TRAPPC9: variants seen among roughly 807,000 people sequenced by gnomAD.
The protein encoded by TRAPPC9 is IKK2 binding protein.
Under a neutral mutation model 124.0 loss-of-function variants are expected in TRAPPC9, and 83 were observed. The ratio of observed to expected loss-of-function variants is 0.67; its 90% CI spans 0.56 to 0.80. The LOEUF (loss-of-function observed/expected upper bound fraction) is 0.80, where lower values mean the gene tolerates loss of function less well. TRAPPC9 is among the 30% of genes least tolerant of loss of function. TRAPPC9 has a pLI of 0.00. For synonymous variants in TRAPPC9, 638 were observed against 617.5 expected (o/e 1.03, Z -0.49); for missense variants, 1,302 against 1,508.3 (o/e 0.86, Z 2.27).
intron 21 of TRAPPC9, among the ~76,000 whole-genome samples, chr8:139,866,859 T>G (rs1828576624): frequency 1.3e-5 from 2 of 152,178 alleles, no homozygotes; most frequent in Non-Finnish European, 2.9e-5. Flanking sequence ...CATCCCAATA[T>G]GAATGACACC....
chr8:140,300,746 C>A (rs1038443800), intron 10 of TRAPPC9, 132 bp from the exon 11 acceptor site: 5 of 1,067,890 alleles, frequency 4.7e-6, no homozygotes, highest in Non-Finnish European at 7.1e-6. Context: ...GGAGGAAAAG[C>A]ACTCCGAGGC....
chr8:140,303,729 C>T (rs779658349), intron 10 of TRAPPC9, among the ~76,000 whole-genome samples: 3 of 152,310 alleles, frequency 2.0e-5, no homozygotes, highest in Non-Finnish European at 2.9e-5. Context: ...TTACTTGCAT[C>T]GGAATTACTT....
intron 15 of TRAPPC9, among the ~76,000 whole-genome samples, chr8:140,255,480 G>A (rs924549440): frequency 1.3e-5 from 2 of 152,222 alleles, no homozygotes; most frequent in Non-Finnish European, 2.9e-5. Context: ...AGAATGATCT[G>A]GGAAAAGACA....
chr8:140,342,804 A>C (rs2067231879), intron 9 of TRAPPC9, among the ~76,000 whole-genome samples: 1 of 152,224 alleles, frequency 6.6e-6, no homozygotes, highest in East Asian at 1.9e-4. Context: ...ACAAAAAATC[A>C]TGTCATTCAT....
In TRAPPC9 at chr8:140,063,975, C is replaced by T. The variant is rs1204134620; in HGVS notation, c.2557-39896G>A. Among the ~76,000 whole-genome samples the T allele has an allele frequency of 2.2e-5, 2 of 90,118 alleles. No homozygotes were observed. The highest frequency in any genetic ancestry group is 6.1e-5 in the Non-Finnish European group (2 of 32,816). The allele number at this position is 90,118 out of a possible 152,430, so 59.1% of individuals were successfully genotyped here. On this transcript the variant is annotated intron_variant, in intron 17 of 22. Coordinates refer to ENST00000438773, the MANE Select transcript of TRAPPC9 (RefSeq NM_001160372.4). This position sits in a 1 kb window ranked among gnomAD's most constrained non-coding sequence, Gnocchi z 4.3. ...CTTTCCTGCCAGCAAAAATTCGACT[C>T]TCTGCTGCAGGCCCTCCTAAAATGG...
At chr8:139,856,030 C>T (rs762711692) in intron 21 of TRAPPC9, among the ~76,000 whole-genome samples, 7 of 152,170 alleles carry the variant, frequency 4.6e-5, no homozygotes, top group Non-Finnish European at 8.8e-5. Context: ...AGTCCCAGGG[C>T]CTTCATCATT....
intron 20 of TRAPPC9, among the ~76,000 whole-genome samples, chr8:139,897,665 G>A (rs1160842499): frequency 2.0e-5 from 3 of 152,188 alleles, no homozygotes; most frequent in African/African-American, 4.8e-5. Flanking sequence ...GTTAGGTAAC[G>A]CTCCCAAAGC....
intron 6 of TRAPPC9, among the ~76,000 whole-genome samples, chr8:140,401,024 T>C (rs2069247158): frequency 1.3e-5 from 2 of 152,252 alleles, no homozygotes; most frequent in Non-Finnish European, 2.9e-5. Flanking sequence ...TGTCCATGTA[T>C]ACTAGTACCT....
intron 17 of TRAPPC9, among the ~76,000 whole-genome samples, chr8:140,129,320 G>C (rs934557324): frequency 2.0e-5 from 3 of 152,104 alleles, no homozygotes; most frequent in African/African-American, 7.2e-5. Context: ...ATGCCCAGGG[G>C]AGAGTCGAAG....
intron 7 of TRAPPC9, among the ~76,000 whole-genome samples, chr8:140,375,338 C>T (rs1472190167): frequency 6.6e-6 from 1 of 152,186 alleles, no homozygotes; most frequent in East Asian, 1.9e-4. Context: ...AAAGTGGCTC[C>T]AAGACTACTC....
intron 17 of TRAPPC9, among the ~76,000 whole-genome samples, chr8:140,069,576 T>C (rs1843039883): frequency 6.6e-6 from 1 of 152,022 alleles, no homozygotes; most frequent in Non-Finnish European, 1.5e-5. Flanking sequence ...CACATTAATA[T>C]ACCCCATATG....
chr8:139,897,414 A>C (rs549614345), intron 20 of TRAPPC9, among the ~76,000 whole-genome samples: 1 of 152,300 alleles, frequency 6.6e-6, no homozygotes, highest in Admixed American at 6.5e-5. Flanking sequence ...TCCCCGTGGG[A>C]AAATATTATT....
chr8:140,117,309 T>A (rs1000824636), intron 17 of TRAPPC9, among the ~76,000 whole-genome samples: 2 of 152,194 alleles, frequency 1.3e-5, no homozygotes, highest in Admixed American at 1.3e-4. Context: ...TGTAATAGAA[T>A]ACCTAAGACT....
rs1446311523 is a variant in TRAPPC9 at position 140,241,766 on chromosome 8, C to A, written c.2431+11011G>T. Among the ~76,000 whole-genome samples the A allele has an allele frequency of 6.6e-6, 1 of 152,196 alleles. No individual in the cohort carries two copies. Among genetic ancestry groups the A allele is most frequent in the East Asian group, 1.9e-4 (1 of 5,196 alleles). ...AGAGTTCAGAAAGCAACACCAGATC[C>A]TCACAGCCAGACAGCTCTCCCGTCT... is the stretch of plus-strand genomic sequence containing the variant. On this transcript the variant is annotated intron_variant, in intron 16 of 22. Coordinates refer to ENST00000438773, the MANE Select transcript of TRAPPC9 (RefSeq NM_001160372.4). The surrounding 1 kb of genome is among the most constrained non-coding windows in gnomAD (Gnocchi z 5.0).
intron 16 of TRAPPC9, among the ~76,000 whole-genome samples, chr8:140,225,253 T>C (rs2063421170): frequency 6.6e-6 from 1 of 152,204 alleles, no homozygotes; most frequent in South Asian, 2.1e-4. Flanking sequence ...ATGCAGGCTC[T>C]AACAAATTGT....
At chr8:139,950,604 G>A (rs898255930) in intron 19 of TRAPPC9, among the ~76,000 whole-genome samples, 1 of 152,236 alleles carries the variant, frequency 6.6e-6, no homozygotes, top group Non-Finnish European at 1.5e-5. Flanking sequence ...TGACAAGGCT[G>A]CACCAGCCAA....
intron 16 of TRAPPC9, among the ~76,000 whole-genome samples, chr8:140,239,304 C>A (rs181240461): frequency 6.6e-6 from 1 of 152,100 alleles, no homozygotes; most frequent in Non-Finnish European, 1.5e-5. Context: ...CTGGAGAGAC[C>A]GAGCCTAGGA....
intron 21 of TRAPPC9, among the ~76,000 whole-genome samples, chr8:139,809,919 T>C (rs534103285): frequency 1.3e-5 from 2 of 152,098 alleles, no homozygotes; most frequent in South Asian, 4.2e-4. Flanking sequence ...CCCCAGACCC[T>C]CTTCCCTGAC....
At chr8:140,346,372 A>G (rs1272041347) in intron 9 of TRAPPC9, among the ~76,000 whole-genome samples, 1 of 152,176 alleles carries the variant, frequency 6.6e-6, no homozygotes, top group African/African-American at 2.4e-5. Context: ...TGCAGAAAGG[A>G]TGTAAAGGGA....
Sources: gnomAD v4.1 joint callset for allele counts (sites outside exome capture counted in the v4.1 genomes callset) on GRCh38, gnomAD v4.1.1 for gene constraint, Gnocchi (gnomAD v3.1) non-coding constraint, MANE v1.5 for transcripts, NCBI Gene and HGNC (gene_info 2026-07-23, HGNC 2026-07-21) for gene names.